CCNY: variants seen among roughly 807,000 people sequenced by gnomAD.
CCNY encodes cyclin-Y.
Under a neutral mutation model 42.8 loss-of-function variants are expected in CCNY, and 19 were observed. The ratio of observed to expected loss-of-function variants is 0.44; its 90% confidence interval spans 0.31 to 0.65. The LOEUF (loss-of-function observed/expected upper bound fraction) is 0.65. Among genes scored for constraint, CCNY ranks in the 30% least tolerant of loss-of-function variants. The probability of loss-of-function intolerance (pLI) is 0.07; values close to 1 mark genes in which losing one functional copy is unlikely to be tolerated. For synonymous variants in CCNY, 165 were observed against 162.7 expected (o/e 1.01, Z -0.11); for missense variants, 370 against 437.3 (o/e 0.85, Z 1.37).
intron 1 of CCNY, among the ~76,000 whole-genome samples, chr10:35,473,876 C>A (rs1427795166): frequency 6.6e-6 from 1 of 152,182 alleles, no homozygotes; most frequent in Non-Finnish European, 1.5e-5. Context: ...GCATTTCCAT[C>A]TGAGGTACCG....
In CCNY at chr10:35,348,473, C is replaced by T. The variant is rs115229824; in HGVS notation, c.154+11266C>T. Among the ~76,000 whole-genome samples, 341 of 152,354 alleles carry T rather than the reference C, an allele frequency of 2.2e-3. 1 individual carries two copies. Among genetic ancestry groups the T allele is most frequent in the African/African-American group, 7.8e-3 (325 of 41,582 alleles). On this transcript the variant is annotated intron_variant, in intron 1 of 9. Coordinates refer to ENST00000374704, the MANE Select transcript of CCNY (RefSeq NM_145012.6). Reference sequence around the variant, plus strand: ...AAGCACCGTGTGTGCTCTGCAGGCACACTTGGCTGTTGGTTGAGTTCTCTT... The same window carrying T: ...AAGCACCGTGTGTGCTCTGCAGGCATACTTGGCTGTTGGTTGAGTTCTCTT...
chr10:35,342,357 TATC>T (rs1274231439), intron 1 of CCNY, among the ~76,000 whole-genome samples: 2 of 152,230 alleles, frequency 1.3e-5, no homozygotes, highest in Non-Finnish European at 1.5e-5. Flanking sequence ...GGCTAAGACT[TATC>T]AGCCCTGCTG....
chr10:35,283,302 A>G (rs887853132), intron 3 of CCNY, among the ~76,000 whole-genome samples: 3 of 152,232 alleles, frequency 2.0e-5, no homozygotes, highest in African/African-American at 7.2e-5. Context: ...AAAAATATCA[A>G]TATTTCATTG....
intron 2 of CCNY, among the ~76,000 whole-genome samples, chr10:35,494,663 G>A (rs939856440): frequency 6.6e-6 from 1 of 152,128 alleles, no homozygotes. Flanking sequence ...TAGGAAAAAG[G>A]ATTAATGCCT....
At chr10:35,260,409 C>T (rs1052543105) in intron 3 of CCNY, among the ~76,000 whole-genome samples, 2 of 152,162 alleles carry the variant, frequency 1.3e-5, no homozygotes, top group Non-Finnish European at 2.9e-5. Flanking sequence ...CCATCATTCC[C>T]GTCACTCCCA....
At chr10:35,363,117 C>T (rs528029509) in intron 1 of CCNY, among the ~76,000 whole-genome samples, 106 of 143,566 alleles carry the variant, frequency 7.4e-4, no homozygotes, top group African/African-American at 2.7e-3. Flanking sequence ...GTGAGGTGGC[C>T]GGCAGAGGCA....
intron 1 of CCNY, among the ~76,000 whole-genome samples, chr10:35,444,824 G>T (rs1838756564): frequency 6.6e-6 from 1 of 152,224 alleles, no homozygotes; most frequent in Non-Finnish European, 1.5e-5. Context: ...GGATGTAGGG[G>T]TGGAGGAGGC....
At chr10:35,449,908 T>C in intron 1 of CCNY, 1 of 560,390 alleles carries the variant, frequency 1.8e-6, no homozygotes, top group Non-Finnish European at 2.3e-6. Context: ...CCTACCTGAG[T>C]AGGGTGTCAA....
intron 1 of CCNY, among the ~76,000 whole-genome samples, chr10:35,448,643 C>T (rs1451572719): frequency 6.6e-6 from 1 of 151,976 alleles, no homozygotes; most frequent in Non-Finnish European, 1.5e-5. Flanking sequence ...CCATGTGACT[C>T]CTTGGGGAAG....
chr10:35,308,421 G>A (rs969062375), intron 3 of CCNY, among the ~76,000 whole-genome samples: 1 of 152,102 alleles, frequency 6.6e-6, no homozygotes, highest in Non-Finnish European at 1.5e-5. Flanking sequence ...GCATGGTAAT[G>A]TGCACCTGTA....
chr10:35,527,459 C>G (rs1411063257), intron 5 of CCNY, among the ~76,000 whole-genome samples: 2 of 152,180 alleles, frequency 1.3e-5, no homozygotes, highest in East Asian at 3.9e-4. Flanking sequence ...CTTTGTGAAG[C>G]ACCTACTCTG....
At chr10:35,278,974 G>A (rs955534519) in intron 3 of CCNY, among the ~76,000 whole-genome samples, 3 of 152,020 alleles carry the variant, frequency 2.0e-5, no homozygotes, top group South Asian at 4.2e-4. Context: ...TGGTAATGCC[G>A]CCCATAGAAA....
chr10:35,390,556 G>A (rs1321216926), intron 1 of CCNY, among the ~76,000 whole-genome samples: 1 of 152,138 alleles, frequency 6.6e-6, no homozygotes, highest in African/African-American at 2.4e-5. Flanking sequence ...ATGATTGACA[G>A]TTGTCACCTG....
At chr10:35,251,981 A>G (rs905409447) in intron 3 of CCNY, among the ~76,000 whole-genome samples, 25 of 152,150 alleles carry the variant, frequency 1.6e-4, no homozygotes, top group Non-Finnish European at 8.8e-5. Flanking sequence ...AAAGAACAAG[A>G]TAGTAAATAT....
intron 3 of CCNY, among the ~76,000 whole-genome samples, chr10:35,259,502 T>TTG (rs1319308381): frequency 7.6e-6 from 1 of 131,170 alleles, no homozygotes; most frequent in African/African-American, 2.9e-5. Flanking sequence ...GTTGTTTTTT[T>TTG]TTTTTTTTTT....
intron 1 of CCNY, among the ~76,000 whole-genome samples, chr10:35,377,344 A>G (rs1837076279): frequency 6.6e-6 from 1 of 152,112 alleles, no homozygotes; most frequent in South Asian, 2.1e-4. Flanking sequence ...AATCTTTTAT[A>G]CCATATGTTT....
At chr10:35,350,079 C>T (rs2135135870) in intron 1 of CCNY, among the ~76,000 whole-genome samples, 1 of 152,246 alleles carries the variant, frequency 6.6e-6, no homozygotes, top group East Asian at 1.9e-4. Context: ...TGCGTTGTTC[C>T]TTTTGACTCC....
intron 1 of CCNY, among the ~76,000 whole-genome samples, chr10:35,468,631 C>T (rs966740744): frequency 1.3e-5 from 2 of 152,098 alleles, no homozygotes; most frequent in Non-Finnish European, 2.9e-5. Context: ...GCTCAAGAGT[C>T]ATGAGACTAT....
intron 3 of CCNY, among the ~76,000 whole-genome samples, chr10:35,284,666 T>G (rs1042442814): frequency 2.6e-5 from 4 of 152,100 alleles, no homozygotes; most frequent in Non-Finnish European, 5.9e-5. Context: ...AGGTTTCTTT[T>G]GCTAGTTTCT....
Sources: gnomAD v4.1 joint callset for allele counts (sites outside exome capture counted in the v4.1 genomes callset) on GRCh38, gnomAD v4.1.1 for gene constraint, MANE v1.5 for transcripts, NCBI Gene and HGNC (gene_info 2026-07-23, HGNC 2026-07-21) for gene names.